Variants in SEPTIN9 observed in about 807,000 individuals in gnomAD.
The protein encoded by SEPTIN9 is septin-9.
Under a neutral mutation model 56.6 loss-of-function variants are expected in SEPTIN9, and 13 were observed. The ratio of observed to expected loss-of-function variants is 0.23; its 90% CI spans 0.15 to 0.37. SEPTIN9 has a LOEUF of 0.37. Ranked by LOEUF, SEPTIN9 falls within the 10% of genes least tolerant of loss-of-function variation. SEPTIN9 has a pLI of 1.00. For synonymous variants in SEPTIN9, 332 were observed against 334.1 expected, an observed-to-expected ratio of 0.99 and a Z score of 0.07; for missense variants, 650 against 823.1, an observed-to-expected ratio of 0.79 and a Z score of 2.57.
At chr17:77,491,650 A>G (rs942584345) in intron 8 of SEPTIN9, among the ~76,000 whole-genome samples, 3 of 151,780 alleles carry the variant, frequency 2.0e-5, no homozygotes, top group Non-Finnish European at 4.4e-5. Flanking sequence ...CTAAAAATAC[A>G]AAAATATTAG....
In SEPTIN9 at chr17:77,327,703, G is replaced by A. The variant is rs1183638353; in HGVS notation, c.76+20506G>A. Among the ~76,000 whole-genome samples, 1 of 152,092 alleles carries A rather than the reference G, an allele frequency of 6.6e-6. No homozygotes were observed. Among genetic ancestry groups the A allele is most frequent in the African/African-American group, 2.4e-5 (1 of 41,396 alleles). ...CCGGAGACTCCCTCTGCCTGTGGACGCCCTCATACCTCCATCCGTGGAGCC... is the reference window on the plus strand; with the variant it reads ...CCGGAGACTCCCTCTGCCTGTGGACACCCTCATACCTCCATCCGTGGAGCC... On this transcript the variant is annotated intron_variant, in intron 2 of 11. Coordinates refer to ENST00000427177, the MANE Select transcript of SEPTIN9 (RefSeq NM_001113491.2). The surrounding 1 kb of genome is among the most constrained non-coding windows in gnomAD (Gnocchi z 5.0).
chr17:77,291,333 A>G (rs1225324871), intron 1 of SEPTIN9, among the ~76,000 whole-genome samples: 1 of 147,512 alleles, frequency 6.8e-6, no homozygotes, highest in Non-Finnish European at 1.5e-5. Flanking sequence ...CGCGCCTGGC[A>G]TGCCTGGCTA....
Position 77,319,424 on chromosome 17 carries a change from C to CT in SEPTIN9, c.76+12228dup. 1.6e-5 allele frequency: 8 copies of CT among 495,260 alleles called. No homozygotes were observed. The highest frequency in any genetic ancestry group is 1.9e-5 in the Non-Finnish European group (7 of 371,690). The allele number at this position is 495,260 out of a possible 1,614,324, so 30.7% of individuals were successfully genotyped here. ...AGACTCGCTCCCTCCCAGGGGACGG[C>CT]TAGAGACTCACTGACTCATGCGTGT... On this transcript the variant is annotated intron_variant, in intron 2 of 11. Coordinates refer to ENST00000427177, the MANE Select transcript of SEPTIN9 (RefSeq NM_001113491.2). This position sits in a 1 kb window ranked among gnomAD's most constrained non-coding sequence, Gnocchi z 5.3.
rs1010628277 is a variant in SEPTIN9, at chr17:77,449,603, G to T, written c.722-32541G>T. Among the ~76,000 whole-genome samples the T allele has an allele frequency of 2.6e-5, 4 of 152,192 alleles. No homozygotes were observed. Among genetic ancestry groups the T allele is most frequent in the Non-Finnish European group, 5.9e-5 (4 of 68,032 alleles). On this transcript the variant is annotated intron_variant, in intron 3 of 11. Coordinates refer to ENST00000427177, the MANE Select transcript of SEPTIN9 (RefSeq NM_001113491.2). The surrounding 1 kb of genome is among the most constrained non-coding windows in gnomAD (Gnocchi z 4.6). ...GGCCCACGGGGCAGGGGCGTGGTGG[G>T]AGCTGCATCCTCGAGGCTTTCTGTT... is the stretch of plus-strand genomic sequence containing the variant.
rs1316620142 is a variant in SEPTIN9, at chr17:77,499,219, G to C, written c.*561G>C. The stretch of plus-strand genomic sequence containing the variant: ...GCTCCTAAGGGTAGAAAACTCCAGG[G>C]TCCCCTGCCACCGACTGCCCAGCCA... On this transcript the variant is annotated 3_prime_UTR_variant, in exon 12 of 12. Coordinates refer to ENST00000427177, the MANE Select transcript of SEPTIN9 (RefSeq NM_001113491.2). 1 of 572,280 alleles carries C rather than the reference G, an allele frequency of 1.7e-6. No homozygotes were observed. Among genetic ancestry groups the C allele is most frequent in the Non-Finnish European group, 3.4e-6 (1 of 296,800 alleles). The allele number at this position is 572,280 out of a possible 1,614,324, so 35.5% of individuals were successfully genotyped here. A position where few individuals can be genotyped will look rare whatever the true frequency, so the allele number is the denominator to read the frequency against.
chr17:77,466,204 C>T (rs979646712), intron 3 of SEPTIN9, among the ~76,000 whole-genome samples: 2 of 152,254 alleles, frequency 1.3e-5, no homozygotes, highest in South Asian at 2.1e-4. Flanking sequence ...TCTGGGCACC[C>T]ACTGCCCAGC....
At chr17:77,399,266 G>A (rs1057047248) in intron 2 of SEPTIN9, among the ~76,000 whole-genome samples, 2 of 152,222 alleles carry the variant, frequency 1.3e-5, no homozygotes, top group Non-Finnish European at 2.9e-5. Context: ...CTCCCAAGGA[G>A]GGGGTTCACC....
At position 77,310,327 on chromosome 17, in the gene SEPTIN9, C is replaced by T. The variant is rs1234333819; in HGVS notation, c.76+3130C>T. Among the ~76,000 whole-genome samples, 1 of 152,170 alleles carries T rather than the reference C, an allele frequency of 6.6e-6. No homozygotes were observed. On this transcript the variant is annotated intron_variant, in intron 2 of 11. Coordinates refer to ENST00000427177, the MANE Select transcript of SEPTIN9 (RefSeq NM_001113491.2). The surrounding 1 kb of genome is among the most constrained non-coding windows in gnomAD (Gnocchi z 4.7). ...TCATCAGCATCGTGTGACTGAGCAG[C>T]CTAGGTCTGTCTCCTCTTGAATGCC...
At chr17:77,320,267 G>A in intron 2 of SEPTIN9, 1 of 1,611,842 alleles carries the variant, frequency 6.2e-7, no homozygotes. Flanking sequence ...GGTGAGAAAG[G>A]GGAGGCCGCC....
At chr17:77,373,748 C>T (rs889876707) in intron 2 of SEPTIN9, 5 of 1,106,462 alleles carry the variant, frequency 4.5e-6, no homozygotes, top group Non-Finnish European at 6.0e-6. Context: ...GTGGGGGACC[C>T]TGTTAGGGGC....
In SEPTIN9 at chr17:77,402,038, T is replaced by G. The variant is rs1181717925; in HGVS notation, c.77-21T>G. 1 of 1,605,374 alleles carries G rather than the reference T, an allele frequency of 6.2e-7. No individual in the cohort carries two copies. The highest frequency in any genetic ancestry group is 1.3e-5 in the African/African-American group (1 of 74,504). On this transcript the variant is annotated intron_variant, in intron 2 of 11. Coordinates refer to ENST00000427177, the MANE Select transcript of SEPTIN9 (RefSeq NM_001113491.2). The surrounding 1 kb of genome is among the most constrained non-coding windows in gnomAD (Gnocchi z 6.6). ...CCTAGCCATCCATTCACCAATTGCA[T>G]CCCCTCTCTTTATTTTTCAGCCTTG...
chr17:77,405,168 A>G lies in SEPTIN9; in HGVS notation c.721+2465A>G. ...AGGGGGATGTCCATGGGGATGTACAAGAACATTCTCCTCCAGGGGCAGACA... is the reference window on the plus strand; with the variant it reads ...AGGGGGATGTCCATGGGGATGTACAGGAACATTCTCCTCCAGGGGCAGACA... On this transcript the variant is annotated intron_variant, in intron 3 of 11. Coordinates refer to ENST00000427177, the MANE Select transcript of SEPTIN9 (RefSeq NM_001113491.2). The surrounding 1 kb of genome is among the most constrained non-coding windows in gnomAD (Gnocchi z 5.8). 4.6e-6 allele frequency: 7 copies of G among 1,515,780 alleles called. No homozygotes were observed. The highest frequency in any genetic ancestry group is 5.3e-6 in the Non-Finnish European group (6 of 1,129,248). 93.9% of individuals were successfully genotyped at this position (1,515,780 alleles called of 1,614,324 possible). A position where few individuals can be genotyped will look rare whatever the true frequency, so the allele number is the denominator to read the frequency against.
rs942588423 is a variant in SEPTIN9 at position 77,405,633 on chromosome 17, G to C, written c.721+2930G>C. ...AGGTGGAGGAAATGCAGGGACAGAC[G>C]AGGGCAGGGCCTTCCCAATGGAGGA... On this transcript the variant is annotated intron_variant, in intron 3 of 11. Coordinates refer to ENST00000427177, the MANE Select transcript of SEPTIN9 (RefSeq NM_001113491.2). This position sits in a 1 kb window ranked among gnomAD's most constrained non-coding sequence, Gnocchi z 5.8. 6.6e-6 allele frequency among the ~76,000 whole-genome samples: 1 copy of C among 152,100 alleles called. No homozygotes were observed. The highest frequency in any genetic ancestry group is 1.5e-5 in the Non-Finnish European group (1 of 68,002).
rs1232053532 is a variant in SEPTIN9 at position 77,367,777 on chromosome 17, C to G, written c.77-34282C>G. Among the ~76,000 whole-genome samples the G allele has an allele frequency of 1.3e-5, 2 of 152,110 alleles. No homozygotes were observed. Among genetic ancestry groups the G allele is most frequent in the African/African-American group, 4.8e-5 (2 of 41,386 alleles). ...GTTGCAGTGAGCCGAGATCACGCCA[C>G]TACACTACAGCCCGGGCGACAGAGT... is the stretch of plus-strand genomic sequence containing the variant. On this transcript the variant is annotated intron_variant, in intron 2 of 11. Transcript: ENST00000427177. The surrounding 1 kb of genome is among the most constrained non-coding windows in gnomAD (Gnocchi z 4.5).
Position 77,498,670 on chromosome 17 carries a change from C to A in SEPTIN9, c.*12C>A. The A allele has an allele frequency of 6.5e-7, 1 of 1,527,658 alleles. No homozygotes were observed. Among genetic ancestry groups the A allele is most frequent in the Non-Finnish European group, 8.8e-7 (1 of 1,133,176 alleles). 94.6% of individuals were successfully genotyped at this position (1,527,658 alleles called of 1,614,324 possible). A position where few individuals can be genotyped will look rare whatever the true frequency, so the allele number is the denominator to read the frequency against. ...CCCCGGAGATGTAGACGCCACCCTGCCCACCCCCGGGATCCTGCCCCCAAG... is the reference window on the plus strand; with the variant it reads ...CCCCGGAGATGTAGACGCCACCCTGACCACCCCCGGGATCCTGCCCCCAAG... On this transcript the variant is annotated 3_prime_UTR_variant, in exon 12 of 12. Transcript: ENST00000427177.
In SEPTIN9 at chr17:77,326,440, C is replaced by T. The variant is rs931525559; in HGVS notation, c.76+19243C>T. 1.3e-5 allele frequency among the ~76,000 whole-genome samples: 2 copies of T among 152,174 alleles called. No homozygotes were observed. The highest frequency in any genetic ancestry group is 4.8e-5 in the African/African-American group (2 of 41,442). ...GAGGGCTGCCTCGGGGGGACACCTT[C>T]GGGCTGAGCGCAGAAGGATGAGGGG... On this transcript the variant is annotated intron_variant, in intron 2 of 11. Transcript: ENST00000427177. The surrounding 1 kb of genome is among the most constrained non-coding windows in gnomAD (Gnocchi z 5.1).
chr17:77,479,728 G>C (rs1375361932), intron 3 of SEPTIN9, among the ~76,000 whole-genome samples: 2 of 150,376 alleles, frequency 1.3e-5, no homozygotes, highest in South Asian at 2.2e-4. Flanking sequence ...GAGAGTTCAG[G>C]GGGCAGCGCC....
At chr17:77,365,307 CCTCTTTCTCT>C (rs934583759) in intron 2 of SEPTIN9, among the ~76,000 whole-genome samples, 8 of 151,880 alleles carry the variant, frequency 5.3e-5, no homozygotes, top group Admixed American at 1.3e-4. Flanking sequence ...CTTGTTTGTA[CCTCTTTCTCT>C]CTCTTTCTCT....
rs779932371 is a variant in SEPTIN9 at position 77,492,600 on chromosome 17, C to G, written c.1381-21C>G. ...GAGCTTGCCACAGGGATGGGCCCAT[C>G]TCTCTCCCTCCTTATCCCAGATCAC... On this transcript the variant is annotated intron_variant, in intron 8 of 11. Coordinates refer to ENST00000427177, the MANE Select transcript of SEPTIN9 (RefSeq NM_001113491.2). This position sits in a 1 kb window ranked among gnomAD's most constrained non-coding sequence, Gnocchi z 5.4. 4.3e-6 allele frequency: 7 copies of G among 1,609,926 alleles called. No homozygotes were observed. Among genetic ancestry groups the G allele is most frequent in the Admixed American group, 1.7e-5 (1 of 60,002 alleles).
Sources: gnomAD v4.1 joint callset for allele counts (sites outside exome capture counted in the v4.1 genomes callset) on GRCh38, gnomAD v4.1.1 for gene constraint, Gnocchi (gnomAD v3.1) non-coding constraint, MANE v1.5 for transcripts, NCBI Gene and HGNC (gene_info 2026-07-23, HGNC 2026-07-21) for gene names.